Variants in CAPG observed in about 807,000 individuals in gnomAD.
CAPG encodes capping actin protein, gelsolin like, also known as macrophage-capping protein.
In CAPG, 32 loss-of-function variants were observed where a neutral mutation model predicts 44.6. The observed-to-expected ratio is 0.72, with a 90% CI of 0.54 to 0.96. CAPG has a LOEUF of 0.96. Among genes scored for constraint, CAPG ranks in the 50% least tolerant of loss-of-function variants. The pLI, the probability that CAPG is intolerant of heterozygous loss-of-function variation, is 0.00. For missense variants in CAPG, 412 were observed against 438.3 expected (o/e 0.94, Z 0.54); for synonymous variants, 175 against 179.6 (o/e 0.97, Z 0.20).
intron 1 of CAPG, among the ~76,000 whole-genome samples, chr2:85,408,029 A>G (rs1009529029): frequency 1.3e-5 from 2 of 151,638 alleles, no homozygotes; most frequent in Admixed American, 1.3e-4. Context: ...GTCCATGTTC[A>G]CCCTTACATC....
chr2:85,411,584 G>A (rs938168417), upstream of CAPG, among the ~76,000 whole-genome samples: 3 of 152,200 alleles, frequency 2.0e-5, no homozygotes, highest in African/African-American at 7.2e-5. Flanking sequence ...TAGTTCCTCT[G>A]CCCAGAACCT....
chr2:85,396,381 G>A (rs1686599416), intron 8 of CAPG, among the ~76,000 whole-genome samples: 1 of 151,780 alleles, frequency 6.6e-6, no homozygotes, highest in Non-Finnish European at 1.5e-5. Context: ...TTGTAGAGAA[G>A]TGATATTTCG....
At chr2:85,397,574 G>A (rs1573174021) in intron 8 of CAPG, among the ~76,000 whole-genome samples, 1 of 152,144 alleles carries the variant, frequency 6.6e-6, no homozygotes, top group Middle Eastern at 3.4e-3. Context: ...GTGGTGGCAC[G>A]CACCTGTACT....
In CAPG at chr2:85,395,058, G is replaced by A. The variant is rs1686522878; in HGVS notation, c.982-100C>T. ...GCCAGAGCCAGGGAGGAGGGTGTGG[G>A]CGCCTGGCCTGAATCCATGTGCAGT... On this transcript the variant is annotated intron_variant, in intron 9 of 9. Coordinates refer to ENST00000263867, the MANE Select transcript of CAPG (RefSeq NM_001747.4). The surrounding 1 kb of genome is among the most constrained non-coding windows in gnomAD (Gnocchi z 4.3). 2.5e-6 allele frequency: 2 copies of A among 803,056 alleles called. No individual in the cohort carries two copies. The highest frequency in any genetic ancestry group is 1.4e-5 in the South Asian group (1 of 70,162). 49.7% of individuals were successfully genotyped at this position (803,056 alleles called of 1,614,324 possible).
Position 85,402,849 on chromosome 2 carries a change from C to T in CAPG, c.-13-691G>A, listed in dbSNP as rs182406809. Among the ~76,000 whole-genome samples the T allele has an allele frequency of 2.7e-3, 410 of 151,486 alleles. 3 individuals carry two copies. The highest frequency in any genetic ancestry group is 8.4e-3 in the Admixed American group (127 of 15,188). ...GCAGTGGCGTGATCTCAGCTCACTG[C>T]GACCTCTGCCTCATGAGTTCAAGTG... On this transcript the variant is annotated intron_variant, in intron 1 of 9. Transcript: ENST00000263867.
intron 1 of CAPG, among the ~76,000 whole-genome samples, chr2:85,405,053 C>G (rs1687083292): frequency 6.6e-6 from 1 of 151,880 alleles, no homozygotes; most frequent in Admixed American, 6.6e-5. Context: ...CTTCACCTAA[C>G]ATTATATTTA....
At chr2:85,404,428 A>G (rs1402618420) in intron 1 of CAPG, among the ~76,000 whole-genome samples, 2 of 152,136 alleles carry the variant, frequency 1.3e-5, no homozygotes, top group Non-Finnish European at 1.5e-5. Context: ...TGGGCAATAT[A>G]AGGAGACCAC....
At position 85,401,543 on chromosome 2, in the gene CAPG, C is replaced by T. The variant is rs751535351; in HGVS notation, c.337G>A (p.Gly113Ser). Reference sequence around the variant, plus strand: ...TGGGCTCTGACCTGGTACTTGAGGCCCCGTGGGAAGTAGCTCATGAAGAGG... The same window carrying T: ...TGGGCTCTGACCTGGTACTTGAGGCTCCGTGGGAAGTAGCTCATGAAGAGG... ...SDLFMSYFPR[G>S]LKYQEGGVES... The change falls in exon 4 of 10, where the codon GGC becomes AGC. Residue 113 changes from glycine to serine, a missense_variant. By Grantham distance (56) the Gly-to-Ser change is moderately conservative. Transcript: ENST00000263867. The T allele has an allele frequency of 2.5e-6, 4 of 1,614,098 alleles. No individual in the cohort carries two copies. The South Asian group carries it at 3.3e-5, about 13-fold the overall frequency.
intron 1 of CAPG, among the ~76,000 whole-genome samples, chr2:85,417,592 C>T (rs1049059472): frequency 6.6e-5 from 10 of 151,424 alleles, no homozygotes; most frequent in African/African-American, 2.2e-4. Context: ...AAGCAATTCT[C>T]CTGCCTCAGC....
rs1686764490 is a variant in CAPG at position 85,399,272 on chromosome 2, C to G, written c.530G>C (p.Trp177Ser). ...ILDLGQNIFA[W>S]CGGKSNILER... ...CAGGATGTTGGACTTTCCACCACACCAGGCGAAGATGTTCTGCAAGGAAGC... is the reference window on the plus strand; with the variant it reads ...CAGGATGTTGGACTTTCCACCACACGAGGCGAAGATGTTCTGCAAGGAAGC... The change falls in exon 6 of 10, where the codon TGG becomes TCG. Residue 177 changes from tryptophan (W) to serine (S), a missense_variant. Physicochemically the swap from Trp to Ser is radical, Grantham distance 177. Transcript: ENST00000263867. 1.2e-6 allele frequency: 2 copies of G among 1,614,026 alleles called. No homozygotes were observed. The highest frequency in any genetic ancestry group is 2.7e-5 in the African/African-American group (2 of 74,934).
At chr2:85,402,064 G>A (rs1686929172) in intron 2 of CAPG, 59 bp downstream of exon 2, 1 of 1,608,842 alleles carries the variant, frequency 6.2e-7, no homozygotes, top group South Asian at 1.1e-5. Context: ...AGTGGGGAGG[G>A]GCAGCCCTTG....
At position 85,399,014 on chromosome 2, in the gene CAPG, G is replaced by A. The variant is rs538966151; in HGVS notation, c.666+122C>T. The A allele has an allele frequency of 3.2e-5, 37 of 1,152,746 alleles. No individual in the cohort carries two copies. In the South Asian group the frequency reaches 4.9e-4, roughly 15 times the overall value. 71.4% of individuals were successfully genotyped at this position (1,152,746 alleles called of 1,614,324 possible). A position where few individuals can be genotyped will look rare whatever the true frequency, so the allele number is the denominator to read the frequency against. On this transcript the variant is annotated intron_variant, in intron 6 of 9. Coordinates refer to ENST00000263867, the MANE Select transcript of CAPG (RefSeq NM_001747.4). ...ACCCTGTGAGCTGGCCACAGCCCTA[G>A]GCAGTACACCAGATGGCCCCTGCCA...
intron 5 of CAPG, among the ~76,000 whole-genome samples, chr2:85,399,714 C>T (rs1686787636): frequency 1.3e-5 from 2 of 151,136 alleles, no homozygotes; most frequent in African/African-American, 2.4e-5. Context: ...GGTTACAAAC[C>T]GCTGGGCTCA....
At chr2:85,408,154 C>A (rs975274039) in intron 1 of CAPG, among the ~76,000 whole-genome samples, 1 of 152,000 alleles carries the variant, frequency 6.6e-6, no homozygotes, top group Non-Finnish European at 1.5e-5. Context: ...ACCAGCCTGG[C>A]CAACATGGTG....
At chr2:85,394,318 C>A (rs1031172311), downstream of CAPG, among the ~76,000 whole-genome samples, 4 of 152,376 alleles carry the variant, frequency 2.6e-5, no homozygotes, top group East Asian at 5.8e-4. Flanking sequence ...CTGGGCTCAC[C>A]AGCCAAACAT....
chr2:85,398,574 G>T (rs1046454447), intron 7 of CAPG, 116 bp downstream of exon 7: 7 of 859,122 alleles, frequency 8.1e-6, no homozygotes, highest in African/African-American at 1.7e-5. Context: ...TCCCACCTCG[G>T]TTCCAGCCCC....
At chr2:85,391,879 T>A (rs1686383747), downstream of CAPG, 1 of 152,450 alleles carries the variant, frequency 6.6e-6, no homozygotes, top group Non-Finnish European at 1.5e-5. Flanking sequence ...GGTCATGGGC[T>A]CCAGGAGACA....
At chr2:85,396,263 A>G (rs1228550694) in intron 8 of CAPG, among the ~76,000 whole-genome samples, 3 of 151,926 alleles carry the variant, frequency 2.0e-5, no homozygotes, top group Non-Finnish European at 4.4e-5. Context: ...ACGGCTCACT[A>G]CAGCCTCAAC....
intron 1 of CAPG, among the ~76,000 whole-genome samples, chr2:85,407,215 G>A (rs62162746): frequency 0.16 from 24,829 of 151,994 alleles, 2,425 homozygotes; most frequent in Non-Finnish European, 0.23. Flanking sequence ...CAGGCGTGAG[G>A]CACTGCGCCT....
Sources: gnomAD v4.1 joint callset for allele counts (sites outside exome capture counted in the v4.1 genomes callset) on GRCh38, gnomAD v4.1.1 for gene constraint, Gnocchi (gnomAD v3.1) non-coding constraint, MANE v1.5 for transcripts, NCBI Gene and HGNC (gene_info 2026-07-23, HGNC 2026-07-21) for gene names.